SSX3: variants seen among roughly 807,000 people sequenced by gnomAD.
The protein encoded by SSX3 is protein SSX3.
Under a neutral mutation model 14.8 loss-of-function variants are expected in SSX3, and 6 were observed. That is an observed-to-expected ratio of 0.41 (90% CI 0.22 to 0.80). The LOEUF is 0.80. Ranked by LOEUF, SSX3 falls within the 30% of genes least tolerant of loss-of-function variation. The probability of loss-of-function intolerance (pLI) is 0.34; values close to 1 mark genes in which losing one functional copy is unlikely to be tolerated. For synonymous variants in SSX3, 55 were observed against 52.9 expected (o/e 1.04, Z -0.18); for missense variants, 163 against 152.2 (o/e 1.07, Z -0.37).
rs1454079931 is a variant in SSX3, at chrX:48,346,446, T to C, written c.*594A>G. On this transcript the variant is annotated 3_prime_UTR_variant, in exon 8 of 8. Transcript: ENST00000298396. The stretch of plus-strand genomic sequence containing the variant: ...ACTGGGGAACGTTTGCAAAGGTTTA[T>C]TTACTGTCAGTGACTGCTACAGGGG... 1 of 174,272 alleles carries C rather than the reference T, an allele frequency of 5.7e-6. No individual in the cohort carries two copies. Among genetic ancestry groups the C allele is most frequent in the Non-Finnish European group, 1.1e-5 (1 of 92,493 alleles). The allele number at this position is 174,272 out of a possible 1,213,427, so 14.4% of individuals were successfully genotyped here.
In SSX3 at chrX:48,355,414, A is replaced by G. The variant is rs1458565538; in HGVS notation, c.-20-145T>C. On this transcript the variant is annotated intron_variant, in intron 1 of 7. Transcript: ENST00000298396. ...GGCTTATCTGTCCCTGAGTAAGGAT[A>G]TGGGGAGAAATCAGACGAAAACCAG... The G allele has an allele frequency of 1.4e-4, 78 of 548,501 alleles. No homozygotes were observed. In the African/African-American group the frequency reaches 1.8e-3, roughly 12 times the overall value. The allele number at this position is 548,501 out of a possible 1,213,427, so 45.2% of individuals were successfully genotyped here. A position where few individuals can be genotyped will look rare whatever the true frequency, so the allele number is the denominator to read the frequency against.
chrX:48,353,710 C>T (rs1426406121), intron 4 of SSX3, among the ~76,000 whole-genome samples: 3 of 111,719 alleles, frequency 2.7e-5, no homozygotes, highest in Non-Finnish European at 5.6e-5. Flanking sequence ...GCCCTCCCTC[C>T]CTCCTCCACT....
In SSX3 at chrX:48,352,135, T is replaced by C; in HGVS notation, c.295A>G (p.Met99Val). 1.7e-6 allele frequency: 2 copies of C among 1,209,792 alleles called. No individual in the cohort carries two copies. Among genetic ancestry groups the C allele is most frequent in the Non-Finnish European group, 2.2e-6 (2 of 893,872 alleles). The change falls in exon 5 of 8, where the codon ATG (methionine) becomes GTG (valine). Residue 99 changes from methionine to valine, a missense_variant. Coordinates refer to ENST00000298396, the MANE Select transcript of SSX3 (RefSeq NM_021014.4). ...NRGNQVQRPQ[M>V]TFGRLQGIFP... Reference sequence around the variant, plus strand: ...ATTCCCTGGAGCCTGCCGAAAGTCATCTGAGGACGTTGAACTGAAAGAGAA... The same window carrying C: ...ATTCCCTGGAGCCTGCCGAAAGTCACCTGAGGACGTTGAACTGAAAGAGAA...
intron 4 of SSX3, 94 bp from the exon 5 acceptor site, chrX:48,352,243 C>G: frequency 1.0e-6 from 1 of 992,343 alleles, no homozygotes; most frequent in Non-Finnish European, 1.4e-6. Flanking sequence ...GCAGCAGAGG[C>G]TTATGAGTCC....
chrX:48,349,928 A>G, intron 6 of SSX3, 59 bp downstream of exon 6: 1 of 1,206,459 alleles, frequency 8.3e-7, no homozygotes, highest in Non-Finnish European at 1.1e-6. Context: ...CACCCAGTCC[A>G]CACACCTGAA....
intron 6 of SSX3, chrX:48,348,164 A>G: frequency 2.6e-6 from 1 of 389,936 alleles, no homozygotes; most frequent in Non-Finnish European, 4.5e-6. Flanking sequence ...ATGCTTTGAT[A>G]CAGGCATGCA....
intron 6 of SSX3, chrX:48,348,528 G>A (rs782502823): frequency 8.4e-6 from 4 of 473,379 alleles, no homozygotes; most frequent in East Asian, 4.0e-5. Flanking sequence ...AGGAAGAGTC[G>A]CATGCCTTTC....
In SSX3 at chrX:48,346,803, A is replaced by C. The variant is rs1430405344; in HGVS notation, c.*237T>G. 1 of 549,546 alleles carries C rather than the reference A, an allele frequency of 1.8e-6. No homozygotes were observed. The highest frequency in any genetic ancestry group is 3.6e-5 in the East Asian group (1 of 27,475). 45.3% of individuals were successfully genotyped at this position (549,546 alleles called of 1,213,427 possible). A position where few individuals can be genotyped will look rare whatever the true frequency, so the allele number is the denominator to read the frequency against. ...AATATGCATTAAGTATGTCTTGCTCATCAGTGAAAATGTTAATATCTAACA... is the reference window on the plus strand; with the variant it reads ...AATATGCATTAAGTATGTCTTGCTCCTCAGTGAAAATGTTAATATCTAACA... On this transcript the variant is annotated 3_prime_UTR_variant, in exon 8 of 8. Coordinates refer to ENST00000298396, the MANE Select transcript of SSX3 (RefSeq NM_021014.4).
Position 48,354,078 on chromosome X carries a change from G to A in SSX3, c.201C>T (p.Leu67=). The part of the protein sequence containing the change: ...AMTKLGFKAI[L]PSFMRNKRVT... ...CCCGTTTATTACGCATGAAAGATGGGAGGATGGCCTTGAAACCTAGAAAGA... is the reference window on the plus strand; with the variant it reads ...CCCGTTTATTACGCATGAAAGATGGAAGGATGGCCTTGAAACCTAGAAAGA... The change falls in exon 4 of 8, where the codon CTC becomes CTT. Residue 67 remains leucine (L), a synonymous_variant. Coordinates refer to ENST00000298396, the MANE Select transcript of SSX3 (RefSeq NM_021014.4). 1 of 1,208,924 alleles carries A rather than the reference G, an allele frequency of 8.3e-7. No homozygotes were observed.
intron 4 of SSX3, among the ~76,000 whole-genome samples, chrX:48,353,407 T>G (rs782754429): frequency 2.7e-5 from 3 of 110,999 alleles, no homozygotes; most frequent in African/African-American, 9.8e-5. Context: ...GTGGATCACC[T>G]GAGGTCAGGA....
intron 5 of SSX3, among the ~76,000 whole-genome samples, chrX:48,350,671 A>C (rs1262447085): frequency 7.2e-5 from 8 of 111,191 alleles, no homozygotes; most frequent in African/African-American, 2.3e-4. Context: ...TACCCTACCG[A>C]GGCACCAATT....
In SSX3 at chrX:48,350,162, C is replaced by T. The variant is rs5953225; in HGVS notation, c.331-40G>A. 2,191 of 1,205,012 alleles carry T rather than the reference C, an allele frequency of 1.8e-3. 18 individuals are homozygous for T. In the African/African-American group the frequency reaches 0.033, roughly 18 times the overall value. ...GGTCATAGATAAATAGTATCAGTGA[C>T]ATTTCTATAGTGCTTTTGAGCTTAC... On this transcript the variant is annotated intron_variant, in intron 5 of 7. Coordinates refer to ENST00000298396, the MANE Select transcript of SSX3 (RefSeq NM_021014.4).
rs1248082019 is a variant in SSX3, at chrX:48,347,609, G to A, written c.467-5C>T. On this transcript the variant is annotated splice_region_variant and splice_polypyrimidine_tract_variant and intron_variant, in intron 6 of 7. Coordinates refer to ENST00000298396, the MANE Select transcript of SSX3 (RefSeq NM_021014.4). ...CATGTTCCCCCCTTTTGGGTCCTAT[G>A]ATGGAGAATAGTTGGAAAGTGAGGG... 3.3e-6 allele frequency: 4 copies of A among 1,207,809 alleles called. No individual in the cohort carries two copies. Among genetic ancestry groups the A allele is most frequent in the South Asian group, 1.8e-5 (1 of 56,698 alleles).
In SSX3 at chrX:48,349,681, C is replaced by T. The variant is rs1353838211; in HGVS notation, c.466+306G>A. On this transcript the variant is annotated intron_variant, in intron 6 of 7. Coordinates refer to ENST00000298396, the MANE Select transcript of SSX3 (RefSeq NM_021014.4). ...AGCACCTTTCATGTCATCAGGCCTT[C>T]TAGATTAAATTTAATGTCTCCAAAC... 26 of 1,163,344 alleles carry T rather than the reference C, an allele frequency of 2.2e-5. 1 individual carries two copies. In the Admixed American group the frequency reaches 7.1e-4, roughly 32 times the overall value.
rs782637488 is a variant in SSX3 at position 48,347,146 on chromosome X, T to C, written c.*5-111A>G. The C allele has an allele frequency of 3.3e-4, 329 of 990,860 alleles. 1 individual carries two copies. In the African/African-American group the frequency reaches 5.5e-3, roughly 17 times the overall value. 81.7% of individuals were successfully genotyped at this position (990,860 alleles called of 1,213,427 possible). On this transcript the variant is annotated intron_variant, in intron 7 of 7. Transcript: ENST00000298396. ...CCCTGCACACTCCGATTCTGCCCTA[T>C]CTCAGGACCTGCACACACCTTCCAC...
chrX:48,351,372 C>A (rs1307960156), intron 5 of SSX3, among the ~76,000 whole-genome samples: 2 of 111,301 alleles, frequency 1.8e-5, no homozygotes, highest in East Asian at 2.8e-4. Context: ...AGACAAGGCA[C>A]TCAAGGAGCT....
chrX:48,355,686 G>A (rs1175838812), intron 1 of SSX3, among the ~76,000 whole-genome samples: 11 of 111,454 alleles, frequency 9.9e-5, no homozygotes, highest in Non-Finnish European at 1.9e-4. Flanking sequence ...CAGAGATAAC[G>A]TGGTCTCTTT....
At chrX:48,348,262 GTTTT>G in intron 6 of SSX3, 2 of 468,492 alleles carry the variant, frequency 4.3e-6, no homozygotes, top group Admixed American at 6.6e-5. Flanking sequence ...TGCTCTTTTA[GTTTT>G]TTTAAGTACA....
rs782775847 is a variant in SSX3 at position 48,349,866 on chromosome X, G to C, written c.466+121C>G. ...TGTCTAACATCTCATCTGGAGCTGG[G>C]CAAGCTCCTCAGCCCAGCCTGGACC... On this transcript the variant is annotated intron_variant, in intron 6 of 7. Coordinates refer to ENST00000298396, the MANE Select transcript of SSX3 (RefSeq NM_021014.4). 4.3e-6 allele frequency: 5 copies of C among 1,157,087 alleles called. No individual in the cohort carries two copies. In the East Asian group the frequency reaches 1.5e-4, roughly 35 times the overall value.
Sources: allele counts gnomAD v4.1 joint callset (sites outside exome capture counted in the v4.1 genomes callset), GRCh38; gene constraint gnomAD v4.1.1; transcripts MANE v1.5; gene names NCBI Gene and HGNC (gene_info 2026-07-23, HGNC 2026-07-21).